Variants in PGCKA1 observed in about 807,000 individuals in gnomAD.
The protein encoded by PGCKA1 is PDCD10 and GCKIII kinases associated 1, also known as PDCD10 and GCKIII kinases-associated protein 1.
chr4:37,472,241 C>T, the PGCKA1 span, among the ~76,000 whole-genome samples: 2 of 152,176 alleles, frequency 1.3e-5, no homozygotes, highest in South Asian at 2.1e-4. Context: ...GTCCTTTCCT[C>T]ATTCTCTTCA....
At chr4:37,466,083 C>T in the PGCKA1 span, among the ~76,000 whole-genome samples, 1 of 152,160 alleles carries the variant, frequency 6.6e-6, no homozygotes, top group Admixed American at 6.5e-5. Flanking sequence ...TACACTATTT[C>T]TAGCCAGTCC....
At chr4:37,473,567 A>G in the PGCKA1 span, among the ~76,000 whole-genome samples, 1 of 152,234 alleles carries the variant, frequency 6.6e-6, no homozygotes, top group Non-Finnish European at 1.5e-5. Context: ...TCTCAATTCA[A>G]GGAAAATACA....
chr4:37,510,695 G>A, the PGCKA1 span, among the ~76,000 whole-genome samples: 189 of 152,176 alleles, frequency 1.2e-3, no homozygotes, highest in African/African-American at 4.3e-3. Flanking sequence ...CCCAAGGCCT[G>A]CTGTAACCAC....
At chr4:37,525,123 G>T in the PGCKA1 span, among the ~76,000 whole-genome samples, 3 of 152,186 alleles carry the variant, frequency 2.0e-5, no homozygotes, top group African/African-American at 7.2e-5. Context: ...GGATAGGAAA[G>T]GGACATCAAT....
At chr4:37,494,747 G>A in the PGCKA1 span, among the ~76,000 whole-genome samples, 97 of 152,258 alleles carry the variant, frequency 6.4e-4, no homozygotes, top group Non-Finnish European at 1.1e-3. Flanking sequence ...TATCAACAGT[G>A]TATAAGCCTT....
the PGCKA1 span, among the ~76,000 whole-genome samples, chr4:37,475,524 A>G: frequency 2.0e-5 from 3 of 152,200 alleles, no homozygotes; most frequent in African/African-American, 7.2e-5. Context: ...TAACTCTGTC[A>G]CACTTAAAAC....
chr4:37,485,430 C>G, the PGCKA1 span, among the ~76,000 whole-genome samples: 1 of 152,132 alleles, frequency 6.6e-6, no homozygotes, highest in African/African-American at 2.4e-5. Context: ...GCTCCCTTCC[C>G]TTCTCTGTCA....
the PGCKA1 span, among the ~76,000 whole-genome samples, chr4:37,573,539 T>C: frequency 6.6e-6 from 1 of 152,194 alleles, no homozygotes; most frequent in African/African-American, 2.4e-5. Context: ...GGTGTGTAGA[T>C]TTCCACAAAA....
chr4:37,509,423 C>A, the PGCKA1 span, among the ~76,000 whole-genome samples: 2 of 136,434 alleles, frequency 1.5e-5, no homozygotes, highest in South Asian at 2.5e-4. Flanking sequence ...CAGAGATGCT[C>A]CCCACATCTC....
chr4:37,499,093 T>G, the PGCKA1 span, among the ~76,000 whole-genome samples: 1 of 152,262 alleles, frequency 6.6e-6, no homozygotes, highest in Non-Finnish European at 1.5e-5. Flanking sequence ...ATATTGTTTT[T>G]GTCTTTAGTT....
At chr4:37,494,323 C>G in the PGCKA1 span, among the ~76,000 whole-genome samples, 20 of 152,290 alleles carry the variant, frequency 1.3e-4, no homozygotes, top group African/African-American at 4.6e-4. Flanking sequence ...TTTTTGCTCT[C>G]TATGTATCCA....
chr4:37,478,784 C>T, the PGCKA1 span, among the ~76,000 whole-genome samples: 2 of 152,070 alleles, frequency 1.3e-5, no homozygotes, highest in African/African-American at 4.8e-5. Flanking sequence ...TTCTGCCTCC[C>T]CCCTCTCAAT....
At chr4:37,504,389 C>T in the PGCKA1 span, among the ~76,000 whole-genome samples, 3 of 151,992 alleles carry the variant, frequency 2.0e-5, no homozygotes, top group Non-Finnish European at 4.4e-5. Flanking sequence ...CTTTTTTGCT[C>T]AGGATAGCCT....
chr4:37,483,597 T>C, the PGCKA1 span, among the ~76,000 whole-genome samples: 1 of 152,258 alleles, frequency 6.6e-6, no homozygotes, highest in South Asian at 2.1e-4. Flanking sequence ...ACCTGTAACA[T>C]ACCAACAAGG....
At chr4:37,570,146 ATTT>A in the PGCKA1 span, among the ~76,000 whole-genome samples, 1,546 of 78,954 alleles carry the variant, frequency 0.02, 7 homozygotes, top group East Asian at 0.064. Context: ...CGCCTGGCTA[ATTT>A]TTTTTTTTTT....
At chr4:37,564,955 T>TACACACACACACGTAC in the PGCKA1 span, among the ~76,000 whole-genome samples, 7,945 of 151,540 alleles carry the variant, frequency 0.052, 227 homozygotes, top group Middle Eastern at 0.082. Flanking sequence ...TTCCACCCCG[T>TACACACACACACGTAC]ACACACACAC....
chr4:37,558,263 T>A, the PGCKA1 span, among the ~76,000 whole-genome samples: 5 of 152,206 alleles, frequency 3.3e-5, no homozygotes, highest in Non-Finnish European at 7.3e-5. Context: ...TGCTGTTTCC[T>A]TTTTACGTTT....
At chr4:37,498,435 G>A in the PGCKA1 span, among the ~76,000 whole-genome samples, 1 of 152,200 alleles carries the variant, frequency 6.6e-6, no homozygotes, top group Admixed American at 6.5e-5. Flanking sequence ...TTCTAACTCT[G>A]TGAAGAATGA....
At chr4:37,543,623 C>T in the PGCKA1 span, among the ~76,000 whole-genome samples, 6 of 150,900 alleles carry the variant, frequency 4.0e-5, no homozygotes, top group Admixed American at 2.0e-4. Context: ...AGGCGGATCA[C>T]GAGGTCAGGA....
Sources: allele counts gnomAD v4.1 joint callset (sites outside exome capture counted in the v4.1 genomes callset), GRCh38; gene constraint gnomAD v4.1.1; transcripts MANE v1.5; gene names NCBI Gene and HGNC (gene_info 2026-07-23, HGNC 2026-07-21).